TANC1: variants seen among roughly 807,000 people sequenced by gnomAD.
The protein encoded by TANC1 is tetratricopeptide repeat, ankyrin repeat and coiled-coil containing 1, also known as protein TANC1.
A neutral mutation model predicts 149.7 loss-of-function variants in TANC1; 77 were observed. The ratio of observed to expected loss-of-function variants is 0.51; its 90% CI spans 0.43 to 0.62. The LOEUF is 0.62. TANC1 is among the 20% of genes least tolerant of loss of function. The pLI, the probability that TANC1 is intolerant of heterozygous loss-of-function variation, is 0.00. For missense variants in TANC1, 1,985 were observed against 2,321.8 expected (o/e 0.85, Z 2.98); for synonymous variants, 854 against 925.0 (o/e 0.92, Z 1.39).
chr2:158,999,228 A>T (rs901908538), intron 1 of TANC1, among the ~76,000 whole-genome samples: 1 of 152,150 alleles, frequency 6.6e-6, no homozygotes, highest in African/African-American at 2.4e-5. Context: ...TGGGCCCCCG[A>T]GGTACCATCT....
intron 1 of TANC1, among the ~76,000 whole-genome samples, chr2:158,977,541 G>A (rs549497116): frequency 8.0e-4 from 122 of 151,724 alleles, no homozygotes; most frequent in African/African-American, 2.7e-3. Context: ...AAACTCCTGA[G>A]CTCAAGTGAT....
intron 3 of TANC1, among the ~76,000 whole-genome samples, chr2:159,075,596 A>G (rs1235943805): frequency 6.6e-6 from 1 of 152,116 alleles, no homozygotes; most frequent in Non-Finnish European, 1.5e-5. Context: ...AAAAGAAAAT[A>G]GAAAACACTC....
chr2:159,154,964 A>G (rs534293471), intron 7 of TANC1, among the ~76,000 whole-genome samples: 18 of 152,306 alleles, frequency 1.2e-4, no homozygotes, highest in African/African-American at 3.8e-4. Context: ...TTTCTCAGTG[A>G]CATTCCTTTG....
chr2:159,139,971 C>G (rs905624768), intron 5 of TANC1, among the ~76,000 whole-genome samples: 1 of 151,906 alleles, frequency 6.6e-6, no homozygotes, highest in Non-Finnish European at 1.5e-5. Context: ...CCTTATAATC[C>G]CAGCACTTTG....
At chr2:159,119,064 T>A (rs2048584965) in intron 4 of TANC1, among the ~76,000 whole-genome samples, 1 of 152,248 alleles carries the variant, frequency 6.6e-6, no homozygotes, top group African/African-American at 2.4e-5. Context: ...AGCTGAGGCG[T>A]AAAAGTAGAA....
chr2:159,064,183 C>G (rs1202794142), intron 2 of TANC1, among the ~76,000 whole-genome samples: 1 of 152,100 alleles, frequency 6.6e-6, no homozygotes, highest in African/African-American at 2.4e-5. Context: ...CATTGTTTCT[C>G]TGAAGTGTGC....
chr2:159,063,242 C>T (rs1434350844), intron 2 of TANC1, among the ~76,000 whole-genome samples: 1 of 152,166 alleles, frequency 6.6e-6, no homozygotes, highest in Non-Finnish European at 1.5e-5. Flanking sequence ...CCAATGTGTC[C>T]ATTTCCAGAA....
chr2:159,044,097 C>T (rs761517335), intron 2 of TANC1, among the ~76,000 whole-genome samples: 1 of 152,168 alleles, frequency 6.6e-6, no homozygotes, highest in Non-Finnish European at 1.5e-5. Flanking sequence ...TAACCGTGTG[C>T]TGAGATCTCC....
At chr2:159,087,154 C>CA (rs2044978017) in intron 3 of TANC1, among the ~76,000 whole-genome samples, 2 of 112,000 alleles carry the variant, frequency 1.8e-5, no homozygotes, top group Admixed American at 9.1e-5. Flanking sequence ...TCAAAAAGCC[C>CA]GTTCCTGAAA....
At chr2:159,097,856 T>C (rs763630024) in intron 4 of TANC1, 22 bp downstream of exon 4, 14 of 1,604,068 alleles carry the variant, frequency 8.7e-6, no homozygotes, top group Admixed American at 3.3e-5. Context: ...ATGAAGGAGC[T>C]GCCTTGGTTA....
At chr2:159,059,871 C>T (rs997105452) in intron 2 of TANC1, among the ~76,000 whole-genome samples, 3 of 138,662 alleles carry the variant, frequency 2.2e-5, no homozygotes, top group African/African-American at 8.1e-5. Context: ...AGCCAGTGTA[C>T]CATCTAGCAG....
intron 5 of TANC1, among the ~76,000 whole-genome samples, chr2:159,144,663 C>G (rs1233049918): frequency 6.6e-6 from 1 of 152,206 alleles, no homozygotes; most frequent in Non-Finnish European, 1.5e-5. Flanking sequence ...TCCGAAAGTG[C>G]TGGGATTACA....
intron 3 of TANC1, among the ~76,000 whole-genome samples, chr2:159,077,021 T>G (rs1288070050): frequency 2.0e-5 from 3 of 152,036 alleles, no homozygotes; most frequent in African/African-American, 7.2e-5. Context: ...TTTCTTTTCC[T>G]AGAAGGATTA....
At chr2:159,148,265 G>A (rs561602169) in intron 5 of TANC1, 3 of 152,330 alleles carry the variant, frequency 2.0e-5, no homozygotes, top group African/African-American at 7.2e-5. Flanking sequence ...GGTGAGAGAC[G>A]TGTTAGAAGG....
chr2:159,139,279 T>C (rs1445572779), intron 5 of TANC1, among the ~76,000 whole-genome samples: 1 of 152,198 alleles, frequency 6.6e-6, no homozygotes, highest in East Asian at 1.9e-4. Flanking sequence ...TCTATCTTAG[T>C]ATGTTTAAAT....
At chr2:159,069,050 A>G (rs1189405262) in intron 3 of TANC1, among the ~76,000 whole-genome samples, 4 of 152,160 alleles carry the variant, frequency 2.6e-5, no homozygotes, top group Admixed American at 2.6e-4. Flanking sequence ...GGATATTTGC[A>G]ATATTATGTA....
intron 1 of TANC1, among the ~76,000 whole-genome samples, chr2:159,000,132 G>A (rs2036493922): frequency 6.6e-6 from 1 of 152,158 alleles, no homozygotes; most frequent in Non-Finnish European, 1.5e-5. Context: ...AGTTGGGTTG[G>A]GGTAGGGGGG....
At chr2:159,226,174 G>GAAA in intron 24 of TANC1, 10 of 167,230 alleles carry the variant, frequency 6.0e-5, no homozygotes, top group Non-Finnish European at 1.1e-4. Flanking sequence ...AGTCTCAGAA[G>GAAA]AAAAAAAAAA....
chr2:159,126,015 T>C (rs1193417265), intron 4 of TANC1, among the ~76,000 whole-genome samples: 1 of 152,214 alleles, frequency 6.6e-6, no homozygotes, highest in African/African-American at 2.4e-5. Context: ...TCTCACACTT[T>C]AGTGTCTGAC....
Sources: allele counts gnomAD v4.1 joint callset (sites outside exome capture counted in the v4.1 genomes callset), GRCh38; gene constraint gnomAD v4.1.1; transcripts MANE v1.5; gene names NCBI Gene and HGNC (gene_info 2026-07-23, HGNC 2026-07-21).